Variants in KANK3 observed in about 807,000 individuals in gnomAD.
KANK3 encodes KN motif and ankyrin repeat domains 3, also known as KN motif and ankyrin repeat domain-containing protein 3.
KANK3 carries 61 observed loss-of-function variants against 65.4 expected under a neutral mutation model. That is an observed-to-expected ratio of 0.93 (90% CI 0.76 to 1.15). The LOEUF (loss-of-function observed/expected upper bound fraction) is 1.15, where lower values mean the gene tolerates loss of function less well. Ranked by LOEUF, KANK3 falls within the 50% of genes most tolerant of loss-of-function variation. KANK3 has a pLI of 0.00. For synonymous variants in KANK3, 586 were observed against 543.3 expected, an observed-to-expected ratio of 1.08 and a Z score of -1.09; for missense variants, 1,187 against 1,178.8, an observed-to-expected ratio of 1.01 and a Z score of -0.10.
At chr19:8,338,089 T>C (rs1454487195) in intron 1 of KANK3, 1 of 499,226 alleles carries the variant, frequency 2.0e-6, no homozygotes, top group African/African-American at 2.3e-5. Context: ...TGCCACAATC[T>C]CGGCTCATTG....
chr19:8,334,505 G>C lies in KANK3; in HGVS notation c.1322C>G (p.Pro441Arg). The C allele has an allele frequency of 6.2e-7, 1 of 1,604,974 alleles. No individual in the cohort carries two copies. Among genetic ancestry groups the C allele is most frequent in the Non-Finnish European group, 8.5e-7 (1 of 1,179,526 alleles). ...GSMDGDRAVA[P>R]AGILKSIMKK... The stretch of plus-strand genomic sequence containing the variant: ...GCGACGGGGTCGGGACTCACCCGCG[G>C]GCGCCACGGCCCTGTCTCCGTCCAT... The change falls in exon 3 of 11, where the codon CCC (proline) becomes CGC (arginine). Residue 441 changes from proline (P) to arginine (R), a missense_variant. Pro to Arg is a moderately radical substitution (Grantham distance 103). This residue lies in a region of KANK3 where 1,078 missense variants were observed against 1,038.2 expected (regional missense o/e 1.04). Coordinates refer to ENST00000330915, the MANE Select transcript of KANK3 (RefSeq NM_198471.3).
chr19:8,340,698 C>T (rs1378210158), intron 1 of KANK3, among the ~76,000 whole-genome samples: 10 of 152,214 alleles, frequency 6.6e-5, no homozygotes, highest in Admixed American at 6.5e-4. Flanking sequence ...CCCTACTCCA[C>T]CGCTGGGGAA....
chr19:8,330,767 T>C (rs1970509328), intron 7 of KANK3, among the ~76,000 whole-genome samples: 2 of 150,262 alleles, frequency 1.3e-5, no homozygotes, highest in South Asian at 2.1e-4. Flanking sequence ...TAGCTGGGTG[T>C]GGTACACGCG....
Position 8,335,318 on chromosome 19 carries a change from G to GCGGGGCTGCTGCGGC in KANK3, c.494_508dup (p.Gly165_Pro169dup), listed in dbSNP as rs1442987830. On this transcript the variant is annotated inframe_insertion, in exon 3 of 11. Coordinates refer to ENST00000330915, the MANE Select transcript of KANK3 (RefSeq NM_198471.3). ...GGGCGAAGCAGGGGCAAGGTTAGGG[G>GCGGGGCTGCTGCGGC]CGGGGCTGCTGCGGCCGGACCCGCG... The GCGGGGCTGCTGCGGC allele has an allele frequency of 2.5e-6, 3 of 1,197,028 alleles. No homozygotes were observed. The African/African-American group carries it at 4.8e-5, about 19-fold the overall frequency. 74.2% of individuals were successfully genotyped at this position (1,197,028 alleles called of 1,614,324 possible).
In KANK3 at chr19:8,333,693, C is replaced by T; in HGVS notation, c.1719+31G>A. 7.0e-7 allele frequency: 1 copy of T among 1,426,332 alleles called. No individual in the cohort carries two copies. Among genetic ancestry groups the T allele is most frequent in the South Asian group, 1.5e-5 (1 of 66,840 alleles). 88.4% of individuals were successfully genotyped at this position (1,426,332 alleles called of 1,614,324 possible). A position where few individuals can be genotyped will look rare whatever the true frequency, so the allele number is the denominator to read the frequency against. On this transcript the variant is annotated intron_variant, in intron 6 of 10. Transcript: ENST00000330915. This position sits in a 1 kb window ranked among gnomAD's most constrained non-coding sequence, Gnocchi z 5.0. ...GAGGTCCTTGGAGGCTCCCACGCCACTCCCTGGTGCTGCGCTCCCGGGGCA... is the reference window on the plus strand; with the variant it reads ...GAGGTCCTTGGAGGCTCCCACGCCATTCCCTGGTGCTGCGCTCCCGGGGCA...
Position 8,333,187 on chromosome 19 carries a change from C to T in KANK3, c.1763G>A (p.Ser588Asn). Residue 588 changes from serine (S) to asparagine (N), a missense_variant, in exon 7 of 11, where the codon AGC (serine) becomes AAC (asparagine). By Grantham distance (46) the Ser-to-Asn change is conservative. This residue lies in a region of KANK3 where 1,078 missense variants were observed against 1,038.2 expected (regional missense o/e 1.04). Transcript: ENST00000330915. This position sits in a 1 kb window ranked among gnomAD's most constrained non-coding sequence, Gnocchi z 5.0. ...GGGCTCCGCCTGAGAGCGCCGCTGG[C>T]TGGACACTCGAAACCACTCCTGGGC... is the stretch of plus-strand genomic sequence containing the variant. ...LVAQEWFRVS[S>N]QRRSQAEPVA... 3 of 1,612,678 alleles carry T rather than the reference C, an allele frequency of 1.9e-6. No individual in the cohort carries two copies. Among genetic ancestry groups the T allele is most frequent in the Non-Finnish European group, 2.5e-6 (3 of 1,179,840 alleles).
At chr19:8,327,483 TAGCC>T (rs1170070445) in intron 7 of KANK3, among the ~76,000 whole-genome samples, 1 of 151,906 alleles carries the variant, frequency 6.6e-6, no homozygotes, top group Non-Finnish European at 1.5e-5. Flanking sequence ...TACAAAAAAT[TAGCC>T]AGGCGTGGTG....
intron 1 of KANK3, among the ~76,000 whole-genome samples, chr19:8,339,963 CAA>C (rs59020478): frequency 3.1e-4 from 30 of 95,760 alleles, no homozygotes; most frequent in South Asian, 8.2e-4. Flanking sequence ...GACCTTGTCT[CAA>C]AAAAAAAAAA....
At chr19:8,340,825 C>T (rs1222759406) in intron 1 of KANK3, among the ~76,000 whole-genome samples, 4 of 152,206 alleles carry the variant, frequency 2.6e-5, no homozygotes, top group African/African-American at 9.6e-5. Context: ...CGTCCCTTCA[C>T]ACCAGCTGCA....
intron 7 of KANK3, among the ~76,000 whole-genome samples, chr19:8,325,397 G>A (rs1042261974): frequency 2.1e-5 from 3 of 140,208 alleles, no homozygotes; most frequent in Admixed American, 7.6e-5. Flanking sequence ...CTCCACCTCC[G>A]GAGTAGCTGG....
chr19:8,333,919 G>A lies in KANK3; in HGVS notation c.1625C>T (p.Ala542Val), dbSNP rs577350856. 2 of 1,579,804 alleles carry A rather than the reference G, an allele frequency of 1.3e-6. No individual in the cohort carries two copies. The highest frequency in any genetic ancestry group is 2.3e-5 in the East Asian group (1 of 42,748). The change falls in exon 5 of 11, where the codon GCA (alanine) becomes GTA (valine). Residue 542 changes from alanine to valine, a missense_variant. This residue lies in a region of KANK3 where 1,078 missense variants were observed against 1,038.2 expected (regional missense o/e 1.04). Coordinates refer to ENST00000330915, the MANE Select transcript of KANK3 (RefSeq NM_198471.3). This position sits in a 1 kb window ranked among gnomAD's most constrained non-coding sequence, Gnocchi z 5.0. The part of the protein sequence containing the change: ...PEAEAEPQQV[A>V]QGRCELSPRL... ...AGCGAGCGCCGCTCACCTCCCCTGT[G>A]CCACCTGCTGAGGCTCTGCCTCCGC... is the stretch of plus-strand genomic sequence containing the variant.
At chr19:8,338,111 T>C (rs1380418965) in intron 1 of KANK3, 1 of 331,426 alleles carries the variant, frequency 3.0e-6, no homozygotes, top group Non-Finnish European at 4.0e-6. Flanking sequence ...AGCCTCCCCC[T>C]CCCGGGTTCA....
In KANK3 at chr19:8,335,448, TG is replaced by T; in HGVS notation, c.378del (p.Asn127ThrfsTer214). 1 of 1,223,846 alleles carries T rather than the reference TG, an allele frequency of 8.2e-7. No homozygotes were observed. Among genetic ancestry groups the T allele is most frequent in the Non-Finnish European group, 1.0e-6 (1 of 980,900 alleles). 75.8% of individuals were successfully genotyped at this position (1,223,846 alleles called of 1,614,324 possible). On this transcript the variant is annotated frameshift_variant, in exon 3 of 11. Transcript: ENST00000330915. LOFTEE classifies it high-confidence loss of function. ...MQPLSPRAPV[R>X]NPRVEHTLRE... ...CGGAGCGTGTGCTCGACGCGCGGGTTGCGCACGGGCGCGCGCGGCGACAGCG... is the reference window on the plus strand; with the variant it reads ...CGGAGCGTGTGCTCGACGCGCGGGTTCGCACGGGCGCGCGCGGCGACAGCG...
rs556011216 is a variant in KANK3 at position 8,335,129 on chromosome 19, G to C, written c.698C>G (p.Pro233Arg). Residue 233 changes from proline (P) to arginine (R), a missense_variant, in exon 3 of 11, where the codon CCG (proline) becomes CGG (arginine). Physicochemically the swap from Pro to Arg is moderately radical, Grantham distance 103. Around this residue, in one of 3 missense-constraint regions of KANK3, gnomAD observed 1,078 missense variants for 1,038.2 expected, o/e 1.04. Transcript: ENST00000330915. ...RLLAGRAQPE[P>R]DGEAETRPDK... Reference sequence around the variant, plus strand: ...CGGGCGCGTCTCAGCCTCCCCGTCCGGCTCGGGCTGCGCGCGCCCGGCCAG... The same window carrying C: ...CGGGCGCGTCTCAGCCTCCCCGTCCCGCTCGGGCTGCGCGCGCCCGGCCAG... 1.9e-5 allele frequency: 23 copies of C among 1,241,292 alleles called. No individual in the cohort carries two copies. Among genetic ancestry groups the C allele is most frequent in the African/African-American group, 9.4e-5 (6 of 63,704 alleles). 76.9% of individuals were successfully genotyped at this position (1,241,292 alleles called of 1,614,324 possible). A position where few individuals can be genotyped will look rare whatever the true frequency, so the allele number is the denominator to read the frequency against.
At chr19:8,339,046 C>T (rs1489858866) in intron 1 of KANK3, among the ~76,000 whole-genome samples, 1 of 152,040 alleles carries the variant, frequency 6.6e-6, no homozygotes, top group African/African-American at 2.4e-5. Flanking sequence ...AGCGGAGTGT[C>T]ACAGGCTTGA....
At chr19:8,325,370 TCTC>T (rs1267155028) in intron 7 of KANK3, among the ~76,000 whole-genome samples, 1 of 143,930 alleles carries the variant, frequency 6.9e-6, no homozygotes, top group East Asian at 2.1e-4. Flanking sequence ...AGTGGTGCGA[TCTC>T]AGCTCACTGC....
At chr19:8,336,745 A>C (rs1306272044) in intron 2 of KANK3, among the ~76,000 whole-genome samples, 2 of 151,024 alleles carry the variant, frequency 1.3e-5, no homozygotes, top group African/African-American at 4.9e-5. Context: ...GTCTCAAAAA[A>C]AAAAAAAAAA....
At chr19:8,326,385 G>A (rs1182351593) in intron 7 of KANK3, among the ~76,000 whole-genome samples, 2 of 150,270 alleles carry the variant, frequency 1.3e-5, no homozygotes, top group Non-Finnish European at 3.0e-5. Flanking sequence ...TCACGCCACT[G>A]CACTCCAGCC....
In KANK3 at chr19:8,333,889, C is replaced by T. The variant is rs1639066878; in HGVS notation, c.1634+21G>A. On this transcript the variant is annotated intron_variant, in intron 5 of 10. Transcript: ENST00000330915. The surrounding 1 kb of genome is among the most constrained non-coding windows in gnomAD (Gnocchi z 5.0). ...GGAGGGCAGCCGCCTCCTCTCCAAA[C>T]AACTAGCGAGCGCCGCTCACCTCCC... 3 of 1,568,728 alleles carry T rather than the reference C, an allele frequency of 1.9e-6. No individual in the cohort carries two copies. Among genetic ancestry groups the T allele is most frequent in the Non-Finnish European group, 2.6e-6 (3 of 1,159,226 alleles).
Sources: gnomAD v4.1 joint callset for allele counts (sites outside exome capture counted in the v4.1 genomes callset) on GRCh38, gnomAD v4.1.1 for gene constraint, gnomAD v4.1.1 regional missense constraint, Gnocchi (gnomAD v3.1) non-coding constraint, MANE v1.5 for transcripts, NCBI Gene and HGNC (gene_info 2026-07-23, HGNC 2026-07-21) for gene names.